The following ABCG1 variants were observed in gnomAD, a reference collection of about 807,000 sequenced individuals.
ABCG1 encodes ATP binding cassette subfamily G member 1.
ABCG1 carries 29 observed loss-of-function variants against 69.2 expected under a neutral mutation model. The ratio of observed to expected loss-of-function variants is 0.42; its 90% CI spans 0.31 to 0.57. The LOEUF (loss-of-function observed/expected upper bound fraction) is 0.57. Ranked by LOEUF, ABCG1 falls within the 20% of genes least tolerant of loss-of-function variation. The pLI, the probability that ABCG1 is intolerant of heterozygous loss-of-function variation, is 0.15. For synonymous variants in ABCG1, 370 were observed against 374.8 expected (o/e 0.99, Z 0.15); for missense variants, 718 against 898.1 (o/e 0.80, Z 2.56).
intron 2 of ABCG1, among the ~76,000 whole-genome samples, chr21:42,240,812 C>A (rs1431508725): frequency 6.6e-6 from 1 of 152,276 alleles, no homozygotes; most frequent in Non-Finnish European, 1.5e-5. Context: ...TGGGAGTTGT[C>A]TAATGGTGGA....
At chr21:42,252,760 G>A (rs965187853) in intron 2 of ABCG1, among the ~76,000 whole-genome samples, 2 of 152,038 alleles carry the variant, frequency 1.3e-5, no homozygotes, top group African/African-American at 2.4e-5. Flanking sequence ...CCTACTTTCC[G>A]AGCAACCACC....
At chr21:42,201,569 C>G in intron 1 of ABCG1, 18 of 1,513,322 alleles carry the variant, frequency 1.2e-5, no homozygotes, top group Non-Finnish European at 1.6e-5. Flanking sequence ...TCTTCCACTC[C>G]ACCACAGCGC....
At position 42,291,542 on chromosome 21, in the gene ABCG1, G is replaced by C. The variant is rs767436931; in HGVS notation, c.1539G>C (p.Thr513=). 6.2e-7 allele frequency: 1 copy of C among 1,613,676 alleles called. No individual in the cohort carries two copies. Among genetic ancestry groups the C allele is most frequent in the South Asian group, 1.1e-5 (1 of 91,072 alleles). ...ACTGCAGCATCGTGTACTGGATGAC[G>C]TCGCAGCCGTCCGACGCCGTGCGCT... ...VAYCSIVYWM[T]SQPSDAVRFV... Residue 513 remains threonine (T), a synonymous_variant, in exon 13 of 15, where the codon ACG becomes ACC. Coordinates refer to ENST00000398449, the MANE Select transcript of ABCG1 (RefSeq NM_016818.3). The surrounding 1 kb of genome is among the most constrained non-coding windows in gnomAD (Gnocchi z 6.4).
upstream of ABCG1, among the ~76,000 whole-genome samples, chr21:42,211,519 T>C (rs2067589135): frequency 6.6e-6 from 1 of 152,096 alleles, no homozygotes; most frequent in African/African-American, 2.4e-5. Context: ...CCTGCTATGA[T>C]CCAAATGTTG....
chr21:42,293,614 CTACACA>C (rs2069137120), intron 13 of ABCG1, among the ~76,000 whole-genome samples: 1 of 104,302 alleles, frequency 9.6e-6, no homozygotes, highest in Non-Finnish European at 2.2e-5. Context: ...ACACACCACA[CTACACA>C]CTACACACCA....
At chr21:42,285,854 C>A in intron 7 of ABCG1, 26 bp from the exon 8 acceptor site, 1 of 1,532,168 alleles carries the variant, frequency 6.5e-7, no homozygotes, top group South Asian at 1.1e-5. Context: ...AGGGCTTGAT[C>A]CCTTTTTCTC....
intron 2 of ABCG1, among the ~76,000 whole-genome samples, chr21:42,250,862 A>G (rs2068208820): frequency 6.6e-6 from 1 of 152,190 alleles, no homozygotes; most frequent in Non-Finnish European, 1.5e-5. Context: ...TGTGCGGGGT[A>G]TAGGAAGGTG....
rs147338689 is a variant in ABCG1 at position 42,296,132 on chromosome 21, C to T, written c.1773-32C>T. 5.2e-5 allele frequency: 83 copies of T among 1,582,424 alleles called. No individual in the cohort carries two copies. The highest frequency in any genetic ancestry group is 8.4e-5 in the Admixed American group (5 of 59,866). ...CCAACGGCGTGGCTGGCTGGGAGAA[C>T]GTCCTCCCTCATGCCTGGCCTTTCC... On this transcript the variant is annotated intron_variant, in intron 14 of 14. Coordinates refer to ENST00000398449, the MANE Select transcript of ABCG1 (RefSeq NM_016818.3). The surrounding 1 kb of genome is among the most constrained non-coding windows in gnomAD (Gnocchi z 5.4).
intron 2 of ABCG1, among the ~76,000 whole-genome samples, chr21:42,242,429 A>G (rs1334179671): frequency 6.6e-6 from 1 of 152,204 alleles, no homozygotes; most frequent in East Asian, 1.9e-4. Flanking sequence ...TGAGGCTAGG[A>G]GTTCAAGGCT....
chr21:42,214,695 G>A (rs73225418), upstream of ABCG1, among the ~76,000 whole-genome samples: 6,849 of 152,334 alleles, frequency 0.045, 248 homozygotes, highest in Non-Finnish European at 0.073. Flanking sequence ...TACACTTGGG[G>A]CAGCATCTTC....
In ABCG1 at chr21:42,296,394, A is replaced by G. The variant is rs933537426; in HGVS notation, c.*2A>G. ...TACAAAATCCGGGCAGAGAGGTAAA[A>G]CACCTGAATGCCAGGAAACAGGAAG... On this transcript the variant is annotated 3_prime_UTR_variant, in exon 15 of 15. Coordinates refer to ENST00000398449, the MANE Select transcript of ABCG1 (RefSeq NM_016818.3). This position sits in a 1 kb window ranked among gnomAD's most constrained non-coding sequence, Gnocchi z 5.4. 1 of 1,611,388 alleles carries G rather than the reference A, an allele frequency of 6.2e-7. No individual in the cohort carries two copies. The highest frequency in any genetic ancestry group is 8.5e-7 in the Non-Finnish European group (1 of 1,178,762).
chr21:42,254,160 C>T (rs956033840), intron 2 of ABCG1, among the ~76,000 whole-genome samples: 2 of 152,146 alleles, frequency 1.3e-5, no homozygotes, highest in Non-Finnish European at 2.9e-5. Flanking sequence ...AACCGGATGA[C>T]ACAAGAAAAC....
intron 1 of ABCG1, among the ~76,000 whole-genome samples, chr21:42,222,430 T>C (rs2067743533): frequency 1.3e-5 from 2 of 152,216 alleles, no homozygotes; most frequent in Non-Finnish European, 2.9e-5. Flanking sequence ...GGCTGTATGA[T>C]TTCCTTGGTG....
At position 42,296,773 on chromosome 21, in the gene ABCG1, C is replaced by CGAGA; in HGVS notation, c.*381_*382insGAGA. On this transcript the variant is annotated 3_prime_UTR_variant, in exon 15 of 15. Transcript: ENST00000398449. The surrounding 1 kb of genome is among the most constrained non-coding windows in gnomAD (Gnocchi z 5.4). ...TCCTGGATGGGGAACTGCAAGCAGC[C>CGAGA]TCTCAGCTGATGGCTGCACAGTCAG... 1 of 266,528 alleles carries CGAGA rather than the reference C, an allele frequency of 3.8e-6. No homozygotes were observed. The highest frequency in any genetic ancestry group is 7.3e-6 in the Non-Finnish European group (1 of 136,808). The allele number at this position is 266,528 out of a possible 1,614,324, so 16.5% of individuals were successfully genotyped here.
intron 7 of ABCG1, 32 bp from the exon 8 acceptor site, chr21:42,285,848 C>A: frequency 6.7e-7 from 1 of 1,502,032 alleles, no homozygotes; most frequent in Non-Finnish European, 9.3e-7. Context: ...GAAGGCAGGG[C>A]TTGATCCCTT....
intron 13 of ABCG1, among the ~76,000 whole-genome samples, chr21:42,293,381 TACACACC>T (rs1436282347): frequency 4.0e-5 from 4 of 100,920 alleles, no homozygotes; most frequent in African/African-American, 1.6e-4. Context: ...CACTACACAC[TACACACC>T]ACACATACTA....
At chr21:42,256,633 C>T (rs978349715) in intron 2 of ABCG1, 1 of 1,488,684 alleles carries the variant, frequency 6.7e-7, no homozygotes, top group African/African-American at 1.4e-5. Context: ...TCTCAGAGTG[C>T]TGGGGACAGG....
upstream of ABCG1, among the ~76,000 whole-genome samples, chr21:42,212,134 G>T (rs1184541978): frequency 6.6e-6 from 1 of 152,146 alleles, no homozygotes; most frequent in Non-Finnish European, 1.5e-5. Context: ...CTAGAAGTGT[G>T]AACAATACAT....
At position 42,287,945 on chromosome 21, in the gene ABCG1, G is replaced by C; in HGVS notation, c.1030G>C (p.Val344Leu). 1 of 1,613,540 alleles carries C rather than the reference G, an allele frequency of 6.2e-7. No homozygotes were observed. The highest frequency in any genetic ancestry group is 8.5e-7 in the Non-Finnish European group (1 of 1,179,626). The stretch of plus-strand genomic sequence containing the variant: ...TCAGAACAGTCGGCTGGTGAGAGCG[G>C]TTCGGGAGGGCATGTGTGACTCAGA... ...GDQNSRLVRAVREGMCDSDHK... is the reference protein window; with the variant it reads ...GDQNSRLVRALREGMCDSDHK... The change falls in exon 9 of 15, where the codon GTT becomes CTT. Residue 344 changes from valine (V) to leucine (L), a missense_variant. By Grantham distance (32) the Val-to-Leu change is conservative. Around this residue, in one of 2 missense-constraint regions of ABCG1, gnomAD observed 514 missense variants for 574.3 expected, o/e 0.90. Coordinates refer to ENST00000398449, the MANE Select transcript of ABCG1 (RefSeq NM_016818.3). The surrounding 1 kb of genome is among the most constrained non-coding windows in gnomAD (Gnocchi z 6.2).
Sources: allele counts gnomAD v4.1 joint callset (sites outside exome capture counted in the v4.1 genomes callset), GRCh38; gene constraint gnomAD v4.1.1; regional missense constraint gnomAD v4.1.1; non-coding constraint Gnocchi (gnomAD v3.1); transcripts MANE v1.5; gene names NCBI Gene and HGNC (gene_info 2026-07-23, HGNC 2026-07-21).